The following PLD1 variants were observed in gnomAD, a reference collection of about 807,000 sequenced individuals.
The protein encoded by PLD1 is choline phosphatase 1.
PLD1 carries 112 observed loss-of-function variants against 137.1 expected under a neutral mutation model. The observed-to-expected ratio is 0.82, with a 90% confidence interval of 0.70 to 0.96. The LOEUF (loss-of-function observed/expected upper bound fraction) is 0.96, where lower values mean the gene tolerates loss of function less well. Among genes scored for constraint, PLD1 ranks in the 40% least tolerant of loss-of-function variants. PLD1 has a pLI of 0.00. For synonymous variants in PLD1, 431 were observed against 454.7 expected (o/e 0.95, Z 0.66); for missense variants, 1,321 against 1,342.0 (o/e 0.98, Z 0.24).
At chr3:171,755,904 T>C (rs1206573748) in intron 1 of PLD1, among the ~76,000 whole-genome samples, 1 of 152,226 alleles carries the variant, frequency 6.6e-6, no homozygotes, top group African/African-American at 2.4e-5. Flanking sequence ...CATCATCTTC[T>C]AACCACAAAA....
chr3:171,663,814 G>A (rs1711794815), intron 19 of PLD1, among the ~76,000 whole-genome samples: 1 of 152,058 alleles, frequency 6.6e-6, no homozygotes, highest in Non-Finnish European at 1.5e-5. Context: ...TCCCTTATAA[G>A]GTCAACTGAT....
intron 20 of PLD1, among the ~76,000 whole-genome samples, chr3:171,661,063 C>T (rs1240744302): frequency 1.3e-5 from 2 of 152,244 alleles, no homozygotes; most frequent in Non-Finnish European, 2.9e-5. Flanking sequence ...ATGCAGAGTT[C>T]GCTCATTTTC....
At chr3:171,645,072 A>G (rs1736091566) in intron 21 of PLD1, 49 bp from the exon 22 acceptor site, 1 of 1,228,126 alleles carries the variant, frequency 8.1e-7, no homozygotes, top group African/African-American at 1.5e-5. Context: ...AAAAGGTAGT[A>G]TCAATTTTAG....
At chr3:171,792,464 G>T (rs1461902106) in intron 1 of PLD1, 1 of 388,328 alleles carries the variant, frequency 2.6e-6, no homozygotes. Flanking sequence ...CATCCATCAG[G>T]CATTCAGTAC....
At chr3:171,626,135 A>T (rs971101518) in intron 23 of PLD1, among the ~76,000 whole-genome samples, 1 of 152,226 alleles carries the variant, frequency 6.6e-6, no homozygotes, top group East Asian at 1.9e-4. Flanking sequence ...AACTGGAATA[A>T]CCAATACAGA....
At chr3:171,654,299 TCAAA>T in intron 21 of PLD1, 2 of 121,798 alleles carry the variant, frequency 1.6e-5, no homozygotes, top group Non-Finnish European at 2.9e-5. Context: ...CAAGACTGTC[TCAAA>T]AAAAAAAAAA....
intron 1 of PLD1, chr3:171,792,538 C>T: frequency 2.2e-6 from 1 of 455,906 alleles, no homozygotes; most frequent in Non-Finnish European, 4.4e-6. Flanking sequence ...CTGAGCAAAC[C>T]AGGGGACAAA....
intron 1 of PLD1, among the ~76,000 whole-genome samples, chr3:171,757,702 C>T (rs1448049064): frequency 1.3e-5 from 2 of 152,132 alleles, no homozygotes; most frequent in Non-Finnish European, 2.9e-5. Flanking sequence ...TCTAGTTACC[C>T]AAGAAAAAGT....
intron 8 of PLD1, among the ~76,000 whole-genome samples, chr3:171,715,982 C>T (rs1400636292): frequency 2.7e-5 from 4 of 146,952 alleles, no homozygotes; most frequent in African/African-American, 7.4e-5. Context: ...CATGAGTTCT[C>T]GTTATTTAGC....
intron 9 of PLD1, among the ~76,000 whole-genome samples, chr3:171,712,391 C>CA (rs1717334484): frequency 6.6e-6 from 1 of 152,148 alleles, no homozygotes; most frequent in Non-Finnish European, 1.5e-5. Context: ...CTCGGAAAAA[C>CA]AGTTATGAGA....
At chr3:171,807,703 C>T (rs1723907647) in intron 1 of PLD1, among the ~76,000 whole-genome samples, 1 of 152,182 alleles carries the variant, frequency 6.6e-6, no homozygotes, top group South Asian at 2.1e-4. Flanking sequence ...ACCATTCAAC[C>T]CAGCAGCCCC....
At chr3:171,629,442 GTAATT>G (rs1734456973) in intron 23 of PLD1, among the ~76,000 whole-genome samples, 1 of 152,150 alleles carries the variant, frequency 6.6e-6, no homozygotes, top group East Asian at 1.9e-4. Context: ...ACTGCACAAG[GTAATT>G]TATAGATTCA....
At chr3:171,763,307 A>G (rs1721531479) in intron 1 of PLD1, among the ~76,000 whole-genome samples, 1 of 151,550 alleles carries the variant, frequency 6.6e-6, no homozygotes, top group Non-Finnish European at 1.5e-5. Context: ...TTGTAGTCCT[A>G]GCTACTCGAG....
At chr3:171,631,980 T>A (rs377634935) in intron 23 of PLD1, among the ~76,000 whole-genome samples, 1 of 152,180 alleles carries the variant, frequency 6.6e-6, no homozygotes, top group African/African-American at 2.4e-5. Flanking sequence ...GATACTTATA[T>A]ACACCTAAAG....
chr3:171,664,018 C>T (rs1161910411), intron 19 of PLD1, among the ~76,000 whole-genome samples: 1 of 152,090 alleles, frequency 6.6e-6, no homozygotes, highest in Non-Finnish European at 1.5e-5. Context: ...GTGCCATCCT[C>T]AGTAGTGTTA....
At chr3:171,697,382 C>CTA (rs1251247442) in intron 12 of PLD1, among the ~76,000 whole-genome samples, 1 of 151,598 alleles carries the variant, frequency 6.6e-6, no homozygotes, top group African/African-American at 2.4e-5. Context: ...GTAGCTGGGA[C>CTA]TATAGGCGCC....
chr3:171,678,768 G>C (rs1291759475), intron 16 of PLD1, among the ~76,000 whole-genome samples: 1 of 152,156 alleles, frequency 6.6e-6, no homozygotes, highest in Non-Finnish European at 1.5e-5. Flanking sequence ...GTGCATAGAA[G>C]ACTCTTCCCA....
In PLD1 at chr3:171,692,380, A is replaced by G. The variant is rs1475524448; in HGVS notation, c.1290T>C (p.Asn430=). The part of the protein sequence containing the change: ...YKEVELALGI[N]SEYTKRTLMR... ...TCAAAGTCCTCTTGGTGTATTCACTATTGATGCCAAGAGCGAGTTCCACCT... is the reference window on the plus strand; with the variant it reads ...TCAAAGTCCTCTTGGTGTATTCACTGTTGATGCCAAGAGCGAGTTCCACCT... The change falls in exon 13 of 27, where the codon AAT becomes AAC. Residue 430 remains asparagine (N), a synonymous_variant. Transcript: ENST00000351298. 1.2e-6 allele frequency: 2 copies of G among 1,602,088 alleles called. No homozygotes were observed. The highest frequency in any genetic ancestry group is 2.2e-5 in the East Asian group (1 of 44,840).
At chr3:171,656,240 A>G (rs2901726) in intron 21 of PLD1, among the ~76,000 whole-genome samples, 76,334 of 151,370 alleles carry the variant, frequency 0.5, 20,300 homozygotes, top group African/African-American at 0.68. Flanking sequence ...GCATGATCTC[A>G]GCTCACTGCA....
Sources: allele counts gnomAD v4.1 joint callset (sites outside exome capture counted in the v4.1 genomes callset), GRCh38; gene constraint gnomAD v4.1.1; transcripts MANE v1.5; gene names NCBI Gene and HGNC (gene_info 2026-07-23, HGNC 2026-07-21).